Variants in DIP2C observed in about 807,000 individuals in gnomAD.
DIP2C encodes the protein DIP2 acetate--CoA ligase C (putative).
In DIP2C, 33 loss-of-function variants were observed where a neutral mutation model predicts 192.4. That is an observed-to-expected ratio of 0.17 (90% CI 0.13 to 0.23). The LOEUF is 0.23. DIP2C is among the 10% of genes least tolerant of loss of function. DIP2C has a pLI of 1.00. For missense variants in DIP2C, 1,537 were observed against 2,110.1 expected, an observed-to-expected ratio of 0.73 and a Z score of 5.32; for synonymous variants, 979 against 864.1, an observed-to-expected ratio of 1.13 and a Z score of -2.33.
rs1450645933 is a variant in DIP2C at position 652,779 on chromosome 10, C to G, written c.85+36715G>C. 1 of 151,970 alleles carries G rather than the reference C, an allele frequency of 6.6e-6. No individual in the cohort carries two copies. Among genetic ancestry groups the G allele is most frequent in the Non-Finnish European group, 1.5e-5 (1 of 68,024 alleles). 9.4% of individuals were successfully genotyped at this position (151,970 alleles called of 1,614,324 possible). On this transcript the variant is annotated intron_variant, in intron 1 of 36. Transcript: ENST00000280886. This position sits in a 1 kb window ranked among gnomAD's most constrained non-coding sequence, Gnocchi z 4.5. Reference sequence around the variant, plus strand: ...TCCTCCTCAAGCACAGAACCGCACGCAGAGTGATTTTTTTTTTTTTAAACA... The same window carrying G: ...TCCTCCTCAAGCACAGAACCGCACGGAGAGTGATTTTTTTTTTTTTAAACA...
intron 35 of DIP2C, 27 bp from the exon 36 acceptor site, chr10:281,350 G>A (rs747675489): frequency 6.6e-5 from 105 of 1,588,240 alleles, no homozygotes; most frequent in Non-Finnish European, 8.8e-5. Flanking sequence ...GCCTGCGTAA[G>A]CTTCCCCATA....
chr10:528,211 T>C (rs1847167834), intron 1 of DIP2C, among the ~76,000 whole-genome samples: 1 of 152,058 alleles, frequency 6.6e-6, no homozygotes, highest in African/African-American at 2.4e-5. Context: ...TTACCTACCC[T>C]AGTCAGGAGC....
chr10:378,526 C>T (rs1238192484), intron 17 of DIP2C, among the ~76,000 whole-genome samples: 1 of 148,714 alleles, frequency 6.7e-6, no homozygotes, highest in East Asian at 2.0e-4. Context: ...AACACACATG[C>T]ACAAAGACAC....
At chr10:536,179 A>G (rs78142899) in intron 1 of DIP2C, among the ~76,000 whole-genome samples, 1,576 of 152,302 alleles carry the variant, frequency 0.01, 28 homozygotes, top group African/African-American at 0.036. Context: ...ATGTGCGCTC[A>G]GGCGTCCCTC....
At chr10:605,310 G>A (rs139283980) in intron 1 of DIP2C, among the ~76,000 whole-genome samples, 3 of 152,198 alleles carry the variant, frequency 2.0e-5, no homozygotes, top group Non-Finnish European at 4.4e-5. Context: ...TTAGGAAATC[G>A]TGAGACTCCA....
intron 13 of DIP2C, among the ~76,000 whole-genome samples, chr10:388,112 G>T (rs936126092): frequency 1.1e-4 from 16 of 151,938 alleles, no homozygotes; most frequent in African/African-American, 2.4e-5. Flanking sequence ...TTCTTTAAAA[G>T]ATTTCTTTTC....
intron 1 of DIP2C, among the ~76,000 whole-genome samples, chr10:507,555 A>C (rs1845700078): frequency 3.9e-5 from 6 of 152,190 alleles, no homozygotes; most frequent in African/African-American, 1.4e-4. Context: ...GTGCGAGGTT[A>C]GGGACTGTGT....
intron 32 of DIP2C, among the ~76,000 whole-genome samples, chr10:291,702 T>A (rs755771375): frequency 1.8e-4 from 27 of 152,314 alleles, no homozygotes; most frequent in Admixed American, 6.5e-4. Flanking sequence ...TTTCTCAAAC[T>A]GGGGATCATA....
chr10:454,227 G>C (rs1045369974), intron 3 of DIP2C, among the ~76,000 whole-genome samples: 3 of 152,180 alleles, frequency 2.0e-5, no homozygotes, highest in Non-Finnish European at 2.9e-5. Flanking sequence ...GGCTTATTCA[G>C]GATCAGCTTC....
chr10:541,984 C>T (rs571388785), intron 1 of DIP2C, among the ~76,000 whole-genome samples: 9 of 152,352 alleles, frequency 5.9e-5, no homozygotes, highest in East Asian at 3.9e-4. Flanking sequence ...TGCCAGGACA[C>T]GCCCCTGGGG....
At chr10:613,683 G>A (rs1311885162) in intron 1 of DIP2C, among the ~76,000 whole-genome samples, 1 of 152,162 alleles carries the variant, frequency 6.6e-6, no homozygotes, top group African/African-American at 2.4e-5. Flanking sequence ...AGATTCCTGA[G>A]AATGGAAGAA....
chr10:639,728 T>C (rs1426398559), intron 1 of DIP2C, among the ~76,000 whole-genome samples: 1 of 152,214 alleles, frequency 6.6e-6, no homozygotes, highest in Non-Finnish European at 1.5e-5. Context: ...CTCTTTGAAA[T>C]AGGCATATTG....
chr10:597,125 C>CAAGGCGGGG (rs1485792522), intron 1 of DIP2C, among the ~76,000 whole-genome samples: 11 of 152,216 alleles, frequency 7.2e-5, no homozygotes, highest in South Asian at 2.1e-4. Context: ...AGTAAAACAG[C>CAAGGCGGGG]AAGGCGGGGA....
At chr10:301,571 G>A (rs1444156800) in intron 32 of DIP2C, among the ~76,000 whole-genome samples, 1 of 152,196 alleles carries the variant, frequency 6.6e-6, no homozygotes, top group South Asian at 2.1e-4. Flanking sequence ...GGGATGTAAA[G>A]ACTAAAAATA....
At chr10:284,901 TAAGA>T (rs1170560904) in intron 34 of DIP2C, among the ~76,000 whole-genome samples, 1 of 152,078 alleles carries the variant, frequency 6.6e-6, no homozygotes, top group Non-Finnish European at 1.5e-5. Flanking sequence ...ACATTCTTAA[TAAGA>T]AAGTCACCCT....
At chr10:337,265 C>T (rs1349031930) in intron 29 of DIP2C, among the ~76,000 whole-genome samples, 3 of 135,054 alleles carry the variant, frequency 2.2e-5, no homozygotes, top group Non-Finnish European at 3.1e-5. Flanking sequence ...GAGGCCTAGG[C>T]TGATGTGTGT....
intron 1 of DIP2C, among the ~76,000 whole-genome samples, chr10:512,995 A>C (rs1305961671): frequency 6.6e-6 from 1 of 151,372 alleles, no homozygotes; most frequent in Non-Finnish European, 1.5e-5. Flanking sequence ...TTCAGTATTT[A>C]TACATCTCAC....
intron 1 of DIP2C, among the ~76,000 whole-genome samples, chr10:523,998 G>A (rs896036430): frequency 1.3e-5 from 2 of 152,188 alleles, no homozygotes; most frequent in African/African-American, 4.8e-5. Flanking sequence ...GCAAAGGGTG[G>A]CTGGGGCTTC....
intron 31 of DIP2C, chr10:311,635 A>AG: frequency 8.4e-7 from 1 of 1,195,534 alleles, no homozygotes; most frequent in Non-Finnish European, 1.0e-6. Context: ...CAACACACAC[A>AG]ACACACACAG....
Sources: gnomAD v4.1 joint callset for allele counts (sites outside exome capture counted in the v4.1 genomes callset) on GRCh38, gnomAD v4.1.1 for gene constraint, Gnocchi (gnomAD v3.1) non-coding constraint, MANE v1.5 for transcripts, NCBI Gene and HGNC (gene_info 2026-07-23, HGNC 2026-07-21) for gene names.